The following IL17RD variants were observed in gnomAD, a reference collection of about 807,000 sequenced individuals.
IL17RD encodes the protein interleukin-17 receptor D.
Under a neutral mutation model 80.5 loss-of-function variants are expected in IL17RD, and 52 were observed. The ratio of observed to expected loss-of-function variants is 0.65; its 90% CI spans 0.52 to 0.81. The LOEUF (loss-of-function observed/expected upper bound fraction) is 0.81. IL17RD is among the 40% of genes least tolerant of loss of function. The probability of loss-of-function intolerance (pLI) is 0.00; values close to 1 mark genes in which losing one functional copy is unlikely to be tolerated. For missense variants in IL17RD, 1,024 were observed against 955.1 expected, an observed-to-expected ratio of 1.07 and a Z score of -0.95; for synonymous variants, 416 against 391.8, an observed-to-expected ratio of 1.06 and a Z score of -0.73.
chr3:57,145,988 A>T (rs542444144), intron 1 of IL17RD, among the ~76,000 whole-genome samples: 1 of 152,058 alleles, frequency 6.6e-6, no homozygotes, highest in South Asian at 2.1e-4. Flanking sequence ...ATGTGCGATC[A>T]ATCCAAAGAC....
Position 57,119,080 on chromosome 3 carries a change from C to T in IL17RD, c.184+1176G>A, listed in dbSNP as rs139813634. On this transcript the variant is annotated intron_variant, in intron 2 of 12. Transcript: ENST00000296318. ...AACTAACTGGGTGTGTGGCCGGGCGCGGTGGCTCACTCCTGTAATCCCAGC... is the reference window on the plus strand; with the variant it reads ...AACTAACTGGGTGTGTGGCCGGGCGTGGTGGCTCACTCCTGTAATCCCAGC... 8.5e-3 allele frequency among the ~76,000 whole-genome samples: 1,299 copies of T among 152,220 alleles called. 12 individuals carry two copies. The highest frequency in any genetic ancestry group is 0.03 in the African/African-American group (1,237 of 41,538).
intron 1 of IL17RD, among the ~76,000 whole-genome samples, chr3:57,127,251 T>TAAAAATATATAA (rs1253109325): frequency 1.1e-5 from 1 of 92,118 alleles, no homozygotes; most frequent in African/African-American, 5.4e-5. Flanking sequence ...AATATATATA[T>TAAAAATATATAA]AAATATATAT....
chr3:57,135,889 G>GTGTA (rs59736048), intron 1 of IL17RD, among the ~76,000 whole-genome samples: 37,920 of 151,890 alleles, frequency 0.25, 5,928 homozygotes, highest in African/African-American at 0.42. Flanking sequence ...AAGAGGACAC[G>GTGTA]GTGACAAGGC....
intron 3 of IL17RD, 106 bp downstream of exon 3, chr3:57,114,586 A>T: frequency 2.0e-6 from 2 of 1,022,224 alleles, no homozygotes; most frequent in Non-Finnish European, 2.8e-6. Context: ...CATAAGCCTC[A>T]CTCACATCAA....
chr3:57,148,627 T>C (rs1382149508), intron 1 of IL17RD, among the ~76,000 whole-genome samples: 2 of 152,120 alleles, frequency 1.3e-5, no homozygotes, highest in East Asian at 3.9e-4. Context: ...ATAACATAAA[T>C]CAATGGGGGT....
chr3:57,105,756 G>T, intron 7 of IL17RD, 101 bp downstream of exon 7: 1 of 931,706 alleles, frequency 1.1e-6, no homozygotes, highest in Non-Finnish European at 1.6e-6. Flanking sequence ...ACCACTGAGA[G>T]CCAACAAAGC....
chr3:57,103,819 C>T (rs1706890603), intron 8 of IL17RD, among the ~76,000 whole-genome samples: 1 of 152,142 alleles, frequency 6.6e-6, no homozygotes, highest in South Asian at 2.1e-4. Flanking sequence ...ATGCTCCTGC[C>T]TCAGCCTCCT....
At chr3:57,156,700 C>T (rs553718535) in intron 1 of IL17RD, among the ~76,000 whole-genome samples, 1 of 152,204 alleles carries the variant, frequency 6.6e-6, no homozygotes, top group Non-Finnish European at 1.5e-5. Context: ...TTCCAAGCCT[C>T]ACCACTTCTG....
chr3:57,098,623 A>AG, intron 11 of IL17RD, 85 bp from the exon 12 acceptor site: 1 of 888,326 alleles, frequency 1.1e-6, no homozygotes, highest in South Asian at 1.6e-5. Context: ...AAATGTCAGA[A>AG]GGAGGCCATC....
At chr3:57,155,037 A>C (rs1172914143) in intron 1 of IL17RD, among the ~76,000 whole-genome samples, 1 of 152,202 alleles carries the variant, frequency 6.6e-6, no homozygotes, top group Non-Finnish European at 1.5e-5. Context: ...AGCCGGGCAA[A>C]AACTCATTTC....
At chr3:57,131,221 T>G (rs1318072171) in intron 1 of IL17RD, among the ~76,000 whole-genome samples, 3 of 151,498 alleles carry the variant, frequency 2.0e-5, no homozygotes, top group African/African-American at 7.3e-5. Context: ...CCCAGTTACT[T>G]GGGAGAAATA....
intron 1 of IL17RD, among the ~76,000 whole-genome samples, chr3:57,147,921 G>A (rs1466584138): frequency 6.6e-6 from 1 of 152,148 alleles, no homozygotes. Context: ...TAAGGTTGAA[G>A]TAACCAATTT....
rs6764188 is a variant in IL17RD at position 57,097,501 on chromosome 3, A to C, written c.2107+95T>G. The C allele has an allele frequency of 0.71, 651,512 of 919,650 alleles. 235,429 individuals are homozygous for C. Among genetic ancestry groups the C allele is most frequent in the South Asian group, 0.75 (50,537 of 67,574 alleles). 57.0% of individuals were successfully genotyped at this position (919,650 alleles called of 1,614,324 possible). Reference sequence around the variant, plus strand: ...TTCTCATCAGGTTTCATTGCCCAATAAGTTGGCACCAAAAGTGGAAAAACG... The same window carrying C: ...TTCTCATCAGGTTTCATTGCCCAATCAGTTGGCACCAAAAGTGGAAAAACG... On this transcript the variant is annotated intron_variant, in intron 12 of 12. Transcript: ENST00000296318.
intron 8 of IL17RD, among the ~76,000 whole-genome samples, chr3:57,103,354 G>A (rs1320076697): frequency 4.6e-5 from 7 of 152,152 alleles, no homozygotes; most frequent in East Asian, 1.9e-4. Flanking sequence ...TTACCAACTC[G>A]AAACTCTAAG....
intron 10 of IL17RD, among the ~76,000 whole-genome samples, 176 bp downstream of exon 10, chr3:57,102,303 T>C (rs1706848946): frequency 6.6e-6 from 1 of 152,202 alleles, no homozygotes; most frequent in Admixed American, 6.5e-5. Flanking sequence ...CTGTTTTTTT[T>C]AGTGGCTCCT....
Position 57,105,180 on chromosome 3 carries a change from T to C in IL17RD, c.747+677A>G, listed in dbSNP as rs187915823. Among the ~76,000 whole-genome samples the C allele has an allele frequency of 3.1e-3, 473 of 152,182 alleles. 1 individual carries two copies. Among genetic ancestry groups the C allele is most frequent in the Non-Finnish European group, 5.6e-3 (381 of 68,000 alleles). On this transcript the variant is annotated intron_variant, in intron 7 of 12. Transcript: ENST00000296318. ...GCAGCCTCTGTTTCATAGAGTGGTA[T>C]GGATTCAAGGAGCATAAAGCTCAGG...
rs371931689 is a variant in IL17RD at position 57,127,233 on chromosome 3, A to AATATATATAAATATATATAAAAAT, written c.127-6921_127-6920insATTTTTATATATATTTATATATAT. On this transcript the variant is annotated intron_variant, in intron 1 of 12. Transcript: ENST00000296318. ...AAAAATATATATAAATATATATAAAAATATATAAATATATATATAAATATA... is the reference window on the plus strand; with the variant it reads ...AAAAATATATATAAATATATATAAAAATATATATAAATATATATAAAAATATATATAAATATATATATAAATATA... 2.0e-4 allele frequency among the ~76,000 whole-genome samples: 17 copies of AATATATATAAATATATATAAAAAT among 86,804 alleles called. 2 individuals carry two copies. The highest frequency in any genetic ancestry group is 1.3e-3 in the South Asian group (4 of 3,108). 56.9% of individuals were successfully genotyped at this position (86,804 alleles called of 152,430 possible). A position where few individuals can be genotyped will look rare whatever the true frequency, so the allele number is the denominator to read the frequency against.
chr3:57,096,378 G>A lies in IL17RD; in HGVS notation c.*15C>T. ...GCAGCAGCTAAAGTGGCAATGCTTA[G>A]ACTCTTTCGTTTTGTTACAAAGGGG... On this transcript the variant is annotated 3_prime_UTR_variant, in exon 13 of 13. Transcript: ENST00000296318. 2 of 1,576,512 alleles carry A rather than the reference G, an allele frequency of 1.3e-6. No homozygotes were observed. Among genetic ancestry groups the A allele is most frequent in the Middle Eastern group, 1.7e-4 (1 of 6,004 alleles).
At chr3:57,127,225 TATATAAAA>T (rs1707482016) in intron 1 of IL17RD, among the ~76,000 whole-genome samples, 1 of 112,120 alleles carries the variant, frequency 8.9e-6, no homozygotes, top group Admixed American at 1.1e-4. Flanking sequence ...TATATAAATA[TATATAAAA>T]ATATATAAAT....
Sources: gnomAD v4.1 joint callset for allele counts (sites outside exome capture counted in the v4.1 genomes callset) on GRCh38, gnomAD v4.1.1 for gene constraint, MANE v1.5 for transcripts, NCBI Gene and HGNC (gene_info 2026-07-23, HGNC 2026-07-21) for gene names.